The following ZNF726 variants were observed in gnomAD, a reference collection of about 807,000 sequenced individuals.
ZNF726 encodes zinc finger protein 92 pseudogene 3.
In ZNF726, 15 loss-of-function variants were observed where a neutral mutation model predicts 11.6. That is an observed-to-expected ratio of 1.29 (90% CI 0.86 to 1.99). The LOEUF (loss-of-function observed/expected upper bound fraction) is 1.99, where lower values mean the gene tolerates loss of function less well. Among genes scored for constraint, ZNF726 ranks in the 30% most tolerant of loss-of-function variants. The pLI is 0.00. For missense variants in ZNF726, 890 were observed against 725.6 expected (o/e 1.23, Z -2.60); for synonymous variants, 295 against 243.6 (o/e 1.21, Z -1.96).
intron 3 of ZNF726, chr19:23,928,172 A>G (rs746646468): frequency 3.9e-5 from 6 of 152,208 alleles, no homozygotes; most frequent in Non-Finnish European, 7.3e-5. Flanking sequence ...TTCGCCTTCA[A>G]TCATGACTGT....
Position 23,933,055 on chromosome 19 carries a change from C to T in ZNF726, c.939C>T (p.Tyr313=), listed in dbSNP as rs767814913. ...HKRMHIGEKP[Y]KCEECGKAFV... Reference sequence around the variant, plus strand: ...GGATGCACATTGGAGAGAAACCCTACAAATGTGAAGAATGTGGCAAAGCAT... The same window carrying T: ...GGATGCACATTGGAGAGAAACCCTATAAATGTGAAGAATGTGGCAAAGCAT... Residue 313 remains tyrosine (Y), a synonymous_variant, in exon 4 of 4, where the codon TAC becomes TAT. Coordinates refer to ENST00000594466, the MANE Select transcript of ZNF726 (RefSeq NM_001244038.2). The T allele has an allele frequency of 1.9e-6, 3 of 1,613,732 alleles. No homozygotes were observed. Among genetic ancestry groups the T allele is most frequent in the Non-Finnish European group, 2.5e-6 (3 of 1,179,966 alleles).
In ZNF726 at chr19:23,914,911, G is replaced by T; in HGVS notation, c.-84G>T. On this transcript the variant is annotated 5_prime_UTR_variant, in exon 1 of 4. The change creates a new upstream start codon in the 5' untranslated region. Coordinates refer to ENST00000594466, the MANE Select transcript of ZNF726 (RefSeq NM_001244038.2). Reference sequence around the variant, plus strand: ...GTCTCTATCTGCGGCCGGAGCTCCAGGTCTCGTCCTCACTACTCTGTGTCT... The same window carrying T: ...GTCTCTATCTGCGGCCGGAGCTCCATGTCTCGTCCTCACTACTCTGTGTCT... 3 of 1,595,824 alleles carry T rather than the reference G, an allele frequency of 1.9e-6. No homozygotes were observed. The highest frequency in any genetic ancestry group is 2.6e-6 in the Non-Finnish European group (3 of 1,169,618).
In ZNF726 at chr19:23,916,294, G is replaced by A. The variant is rs1416324684; in HGVS notation, c.3+1297G>A. ...CTTTATCAACTATTTGTCCTTTAGTGTACATATTGATACCTATTTTAATGA... is the reference window on the plus strand; with the variant it reads ...CTTTATCAACTATTTGTCCTTTAGTATACATATTGATACCTATTTTAATGA... On this transcript the variant is annotated intron_variant, in intron 1 of 3. Coordinates refer to ENST00000594466, the MANE Select transcript of ZNF726 (RefSeq NM_001244038.2). 2.0e-5 allele frequency among the ~76,000 whole-genome samples: 3 copies of A among 151,634 alleles called. No homozygotes were observed. In the East Asian group the frequency reaches 5.8e-4, roughly 29 times the overall value.
At chr19:23,939,109 A>T (rs1019755822), downstream of ZNF726, among the ~76,000 whole-genome samples, 5 of 151,728 alleles carry the variant, frequency 3.3e-5, no homozygotes, top group African/African-American at 1.2e-4. Context: ...GTTGTCTTTT[A>T]TCCCTCCCCC....
intron 3 of ZNF726, among the ~76,000 whole-genome samples, chr19:23,922,813 A>G (rs1002531646): frequency 6.6e-6 from 1 of 152,246 alleles, no homozygotes; most frequent in Middle Eastern, 3.4e-3. Flanking sequence ...TGTACCATGT[A>G]GTTTTCATTA....
downstream of ZNF726, among the ~76,000 whole-genome samples, chr19:23,937,792 G>A (rs1968271310): frequency 6.6e-6 from 1 of 152,238 alleles, no homozygotes; most frequent in Non-Finnish European, 1.5e-5. Context: ...GCCAAGGCAG[G>A]CTGCTGGGAG....
chr19:23,925,612 A>C (rs1271120627), intron 3 of ZNF726, among the ~76,000 whole-genome samples: 1 of 152,138 alleles, frequency 6.6e-6, no homozygotes, highest in Non-Finnish European at 1.5e-5. Context: ...ATTTCTCTAC[A>C]AATTAGTTTT....
chr19:23,922,904 G>A (rs921904630), intron 3 of ZNF726, among the ~76,000 whole-genome samples: 1 of 150,916 alleles, frequency 6.6e-6, no homozygotes, highest in Admixed American at 6.6e-5. Context: ...GCTGTCAGGG[G>A]ATAAGCAAAT....
At chr19:23,937,971 C>A (rs1193421908), downstream of ZNF726, among the ~76,000 whole-genome samples, 1 of 152,166 alleles carries the variant, frequency 6.6e-6, no homozygotes, top group Non-Finnish European at 1.5e-5. Flanking sequence ...CTTTTCAATT[C>A]AGCATTTTTA....
At chr19:23,931,174 CT>C (rs1968096014) in intron 3 of ZNF726, among the ~76,000 whole-genome samples, 2 of 152,098 alleles carry the variant, frequency 1.3e-5, no homozygotes, top group South Asian at 4.1e-4. Context: ...GGGTTTCACC[CT>C]GTTAGCCAGG....
At chr19:23,929,196 C>T (rs1968051953) in intron 3 of ZNF726, 1 of 151,722 alleles carries the variant, frequency 6.6e-6, no homozygotes, top group Admixed American at 6.6e-5. Flanking sequence ...GGTTTATTGC[C>T]TTAAATTTCA....
intron 3 of ZNF726, among the ~76,000 whole-genome samples, chr19:23,927,517 GA>G: frequency 6.6e-6 from 1 of 150,748 alleles, no homozygotes; most frequent in East Asian, 2.0e-4. Flanking sequence ...TTGTATACAG[GA>G]TCTTACTCTG....
chr19:23,933,686 C>T lies in ZNF726; in HGVS notation c.1570C>T (p.Leu524=). ...CGKAFILSST[L]SKHKRIHTGE... is the part of the protein sequence containing the mutation. Reference sequence around the variant, plus strand: ...CAAAGCATTTATATTGTCCTCGACCCTATCTAAACATAAGAGGATTCACAC... The same window carrying T: ...CAAAGCATTTATATTGTCCTCGACCTTATCTAAACATAAGAGGATTCACAC... Residue 524 remains leucine, a synonymous_variant, in exon 4 of 4, where the codon CTA becomes TTA. Transcript: ENST00000594466. 1 of 1,612,282 alleles carries T rather than the reference C, an allele frequency of 6.2e-7. No individual in the cohort carries two copies. Among genetic ancestry groups the T allele is most frequent in the Non-Finnish European group, 8.5e-7 (1 of 1,179,968 alleles).
intron 3 of ZNF726, among the ~76,000 whole-genome samples, chr19:23,924,202 C>T (rs1334546982): frequency 6.7e-6 from 1 of 150,270 alleles, no homozygotes; most frequent in Non-Finnish European, 1.5e-5. Context: ...TGCCACCACA[C>T]CTGGCTAATT....
intron 3 of ZNF726, among the ~76,000 whole-genome samples, chr19:23,924,217 A>ATT (rs77938116): frequency 1.7e-3 from 237 of 137,780 alleles, no homozygotes; most frequent in South Asian, 3.0e-3. Context: ...CTAATTTTGT[A>ATT]TTTTTTTTTT....
intron 1 of ZNF726, chr19:23,919,149 A>G (rs1167361960): frequency 1.9e-6 from 1 of 514,346 alleles, no homozygotes. Flanking sequence ...TCAGAAAAGT[A>G]TCATATATAC....
At chr19:23,918,503 A>G (rs1252113237) in intron 1 of ZNF726, among the ~76,000 whole-genome samples, 2 of 152,196 alleles carry the variant, frequency 1.3e-5, no homozygotes, top group East Asian at 3.8e-4. Context: ...ATGTTTTCTT[A>G]GGGCTAAATT....
At chr19:23,926,062 A>T (rs1228250761) in intron 3 of ZNF726, among the ~76,000 whole-genome samples, 1 of 152,030 alleles carries the variant, frequency 6.6e-6, no homozygotes, top group Non-Finnish European at 1.5e-5. Context: ...GACTCCCATC[A>T]CATGTAATTT....
At chr19:23,938,392 TAAG>T (rs973451713), downstream of ZNF726, among the ~76,000 whole-genome samples, 3 of 152,114 alleles carry the variant, frequency 2.0e-5, no homozygotes, top group African/African-American at 7.2e-5. Flanking sequence ...TAAATCATTT[TAAG>T]AAGGTGTCTA....
Sources: gnomAD v4.1 joint callset for allele counts (sites outside exome capture counted in the v4.1 genomes callset) on GRCh38, gnomAD v4.1.1 for gene constraint, MANE v1.5 for transcripts, NCBI Gene and HGNC (gene_info 2026-07-23, HGNC 2026-07-21) for gene names.